The following UBE2R2 variants were observed in gnomAD, a reference collection of about 807,000 sequenced individuals.
UBE2R2 encodes the protein ubiquitin-conjugating enzyme E2 R2.
A neutral mutation model predicts 27.8 loss-of-function variants in UBE2R2; 1 was observed. The observed-to-expected ratio is 0.04, with a 90% CI of 0.01 to 0.17. The LOEUF is 0.17. Ranked by LOEUF, UBE2R2 falls within the 10% of genes least tolerant of loss-of-function variation. The probability of loss-of-function intolerance (pLI) is 1.00; values close to 1 mark genes in which losing one functional copy is unlikely to be tolerated. For synonymous variants in UBE2R2, 106 were observed against 113.3 expected, an observed-to-expected ratio of 0.94 and a Z score of 0.41; for missense variants, 100 against 291.0, an observed-to-expected ratio of 0.34 and a Z score of 4.78.
chr9:33,823,278 T>G (rs1029538451), intron 1 of UBE2R2, among the ~76,000 whole-genome samples: 3 of 152,086 alleles, frequency 2.0e-5, no homozygotes, highest in Non-Finnish European at 2.9e-5. Context: ...GCTCAAGTAA[T>G]CCTCCCGCCT....
intron 3 of UBE2R2, among the ~76,000 whole-genome samples, chr9:33,903,231 A>T (rs1241455961): frequency 2.0e-5 from 3 of 152,226 alleles, no homozygotes; most frequent in East Asian, 3.8e-4. Context: ...AAAAGTTTTT[A>T]AAAAATATTT....
chr9:33,864,680 G>T (rs1374919247), intron 1 of UBE2R2, among the ~76,000 whole-genome samples: 1 of 150,720 alleles, frequency 6.6e-6, no homozygotes, highest in Non-Finnish European at 1.5e-5. Context: ...CTCCTGAGTA[G>T]CTGGGACTGC....
At chr9:33,864,603 G>A (rs1204265698) in intron 1 of UBE2R2, among the ~76,000 whole-genome samples, 1 of 152,068 alleles carries the variant, frequency 6.6e-6, no homozygotes, top group Non-Finnish European at 1.5e-5. Flanking sequence ...AGGGTGGAGT[G>A]TGGTGTTGCA....
chr9:33,894,082 C>T (rs1334485081), intron 2 of UBE2R2, among the ~76,000 whole-genome samples: 1 of 152,100 alleles, frequency 6.6e-6, no homozygotes, highest in Non-Finnish European at 1.5e-5. Flanking sequence ...TTCCCACCAG[C>T]AGTGTGTGTG....
At chr9:33,881,674 T>C (rs916305710) in intron 1 of UBE2R2, among the ~76,000 whole-genome samples, 1 of 152,198 alleles carries the variant, frequency 6.6e-6, no homozygotes, top group African/African-American at 2.4e-5. Flanking sequence ...GTTTTTCTCA[T>C]GACTAGAATG....
At chr9:33,897,023 A>ATTTTTT (rs1434314063) in intron 2 of UBE2R2, among the ~76,000 whole-genome samples, 1 of 77,066 alleles carries the variant, frequency 1.3e-5, no homozygotes. Flanking sequence ...TCTGTGGCCT[A>ATTTTTT]ATTTTTTTTT....
At chr9:33,885,785 C>A (rs1174289912) in intron 1 of UBE2R2, among the ~76,000 whole-genome samples, 1 of 152,088 alleles carries the variant, frequency 6.6e-6, no homozygotes, top group African/African-American at 2.4e-5. Flanking sequence ...GAAAATGATG[C>A]TTATAATTTT....
upstream of UBE2R2, among the ~76,000 whole-genome samples, chr9:33,816,942 G>T (rs926574477): frequency 6.6e-6 from 1 of 152,198 alleles, no homozygotes; most frequent in Non-Finnish European, 1.5e-5. Flanking sequence ...TATGGGCGGG[G>T]GACACGCGCC....
intron 1 of UBE2R2, among the ~76,000 whole-genome samples, chr9:33,852,974 C>T (rs1300393875): frequency 6.6e-6 from 1 of 152,076 alleles, no homozygotes; most frequent in East Asian, 1.9e-4. Context: ...CACTGCTGCA[C>T]TCCAGCCTAG....
rs775980700 is a variant in UBE2R2, at chr9:33,917,238, C to A, written c.*1C>A. On this transcript the variant is annotated 3_prime_UTR_variant, in exon 5 of 5. Coordinates refer to ENST00000263228, the MANE Select transcript of UBE2R2 (RefSeq NM_017811.4). ...TGATTCTGGGAATGAGGAGTCGTGA[C>A]GTGCTCCTTCAGTGCCCCTGTACTG... 1.9e-6 allele frequency: 3 copies of A among 1,613,946 alleles called. No individual in the cohort carries two copies. The Admixed American group carries it at 5.0e-5, about 27-fold the overall frequency.
At position 33,914,643 on chromosome 9, in the gene UBE2R2, A is replaced by C. The variant is rs186120514; in HGVS notation, c.498-2375A>C. On this transcript the variant is annotated intron_variant, in intron 4 of 4. Transcript: ENST00000263228. ...AGAGTTCGAGACCAACCTGGCCAAC[A>C]TGGTGAAATCCCATCTCTACCAAAA... 2.6e-5 allele frequency among the ~76,000 whole-genome samples: 4 copies of C among 152,224 alleles called. No individual in the cohort carries two copies. The East Asian group carries it at 7.7e-4, about 29-fold the overall frequency.
At chr9:33,875,630 A>G (rs1392747474) in intron 1 of UBE2R2, among the ~76,000 whole-genome samples, 1 of 152,168 alleles carries the variant, frequency 6.6e-6, no homozygotes, top group Non-Finnish European at 1.5e-5. Flanking sequence ...TTTGTATATG[A>G]TCCTCATGAT....
chr9:33,893,641 T>G (rs1822035217), intron 2 of UBE2R2, among the ~76,000 whole-genome samples: 1 of 152,160 alleles, frequency 6.6e-6, no homozygotes, highest in Admixed American at 6.5e-5. Context: ...TTTATTTATT[T>G]ATTTATTTTT....
At chr9:33,822,292 T>C (rs190329584) in intron 1 of UBE2R2, among the ~76,000 whole-genome samples, 2 of 152,124 alleles carry the variant, frequency 1.3e-5, no homozygotes, top group Non-Finnish European at 2.9e-5. Context: ...GGTTTCTCCA[T>C]GTTGGTTAGG....
At chr9:33,856,868 TCC>T (rs1821115024) in intron 1 of UBE2R2, among the ~76,000 whole-genome samples, 3 of 142,482 alleles carry the variant, frequency 2.1e-5, no homozygotes, top group Admixed American at 1.4e-4. Context: ...CGTCTGTCCG[TCC>T]TTCCTTCCTT....
chr9:33,833,577 G>T (rs1485916205), intron 1 of UBE2R2, among the ~76,000 whole-genome samples: 1 of 152,226 alleles, frequency 6.6e-6, no homozygotes, highest in Non-Finnish European at 1.5e-5. Context: ...TGAAAAGAAG[G>T]ATTTAAACTC....
At chr9:33,881,380 T>A (rs1019989134) in intron 1 of UBE2R2, among the ~76,000 whole-genome samples, 4 of 152,214 alleles carry the variant, frequency 2.6e-5, no homozygotes, top group African/African-American at 9.7e-5. Flanking sequence ...TATATTCAGA[T>A]GGTTGTACAG....
intron 1 of UBE2R2, among the ~76,000 whole-genome samples, chr9:33,856,867 G>A (rs905238564): frequency 8.8e-5 from 12 of 136,958 alleles, no homozygotes; most frequent in Non-Finnish European, 1.7e-4. Context: ...CCGTCTGTCC[G>A]TCCTTCCTTC....
At chr9:33,898,055 G>C (rs185173462) in intron 2 of UBE2R2, among the ~76,000 whole-genome samples, 1 of 152,090 alleles carries the variant, frequency 6.6e-6, no homozygotes, top group East Asian at 1.9e-4. Flanking sequence ...GGTTACAGGC[G>C]TGAGCCACCA....
Sources: gnomAD v4.1 joint callset for allele counts (sites outside exome capture counted in the v4.1 genomes callset) on GRCh38, gnomAD v4.1.1 for gene constraint, MANE v1.5 for transcripts, NCBI Gene and HGNC (gene_info 2026-07-23, HGNC 2026-07-21) for gene names.